HINFP: variants seen among roughly 807,000 people sequenced by gnomAD.
HINFP encodes the protein MBD2 (methyl-CpG-binding protein)-interacting zinc finger protein.
Under a neutral mutation model 50.1 loss-of-function variants are expected in HINFP, and 20 were observed. The observed-to-expected ratio is 0.40, with a 90% CI of 0.28 to 0.58. HINFP has a LOEUF of 0.58. Among genes scored for constraint, HINFP ranks in the 20% least tolerant of loss-of-function variants. The probability of loss-of-function intolerance (pLI) is 0.45; values close to 1 mark genes in which losing one functional copy is unlikely to be tolerated. For missense variants in HINFP, 505 were observed against 664.1 expected (o/e 0.76, Z 2.63); for synonymous variants, 247 against 243.7 (o/e 1.01, Z -0.13).
chr11:119,134,551 A>G lies in HINFP; in HGVS notation c.*53A>G, dbSNP rs540126448. 2.7e-5 allele frequency: 38 copies of G among 1,429,030 alleles called. 1 individual carries two copies. The Admixed American group carries it at 8.4e-4, about 32-fold the overall frequency. The allele number at this position is 1,429,030 out of a possible 1,614,324, so 88.5% of individuals were successfully genotyped here. On this transcript the variant is annotated 3_prime_UTR_variant, in exon 10 of 10. Transcript: ENST00000350777. This position sits in a 1 kb window ranked among gnomAD's most constrained non-coding sequence, Gnocchi z 4.3. ...CCAGGTCCTGAAGTTTGAGCCAGGC[A>G]AGTGGCAGTGCCCCTAGTGGGCAGC...
chr11:119,132,595 G>A (rs761081653), intron 6 of HINFP, 22 bp downstream of exon 6: 1 of 1,614,086 alleles, frequency 6.2e-7, no homozygotes, highest in Admixed American at 1.7e-5. Flanking sequence ...GCGGCCCACA[G>A]CCTCCCTCCT....
Position 119,131,583 on chromosome 11 carries a change from A to C in HINFP, c.460A>C (p.Ser154Arg). The change falls in exon 4 of 10, where the codon AGT becomes CGT. Residue 154 changes from serine (S) to arginine (R), a missense_variant. By Grantham distance (110) the Ser-to-Arg change is moderately radical (BLOSUM62 -1). Coordinates refer to ENST00000350777, the MANE Select transcript of HINFP (RefSeq NM_198971.3). This position sits in a 1 kb window ranked among gnomAD's most constrained non-coding sequence, Gnocchi z 4.2. ...GTTTTATCGGCATGTGGAAGCACAC[A>C]GTCTGTGCTGTGAATACGAAGCAGT... is the stretch of plus-strand genomic sequence containing the variant. ...EWFYRHVEAHSLCCEYEAVGK... is the reference protein window; with the variant it reads ...EWFYRHVEAHRLCCEYEAVGK... 4.3e-6 allele frequency: 7 copies of C among 1,614,190 alleles called. No homozygotes were observed. Among genetic ancestry groups the C allele is most frequent in the Non-Finnish European group, 5.9e-6 (7 of 1,180,042 alleles).
chr11:119,132,543 C>T lies in HINFP; in HGVS notation c.724C>T (p.Arg242Trp), dbSNP rs113330716. Reference sequence around the variant, plus strand: ...CTGTTCCAAGAGATTTGCCACAGAGCGGCTATTGCGGGACCACATGCGCAA... The same window carrying T: ...CTGTTCCAAGAGATTTGCCACAGAGTGGCTATTGCGGGACCACATGCGCAA... ...SHCSKRFATE[R>W]LLRDHMRNHV... Residue 242 changes from arginine (R) to tryptophan (W), a missense_variant, in exon 6 of 10, where the codon CGG becomes TGG. Arg to Trp is a moderately radical substitution (Grantham distance 101). Transcript: ENST00000350777. 4.3e-6 allele frequency: 7 copies of T among 1,613,992 alleles called. No individual in the cohort carries two copies. The highest frequency in any genetic ancestry group is 2.2e-5 in the East Asian group (1 of 44,882).
chr11:119,132,734 T>C lies in HINFP; in HGVS notation c.828T>C (p.Phe276=), dbSNP rs752671821. Residue 276 remains phenylalanine, a synonymous_variant, in exon 7 of 10, where the codon TTT becomes TTC. Coordinates refer to ENST00000350777, the MANE Select transcript of HINFP (RefSeq NM_198971.3). ...CCTCCCTCCGCAACCACATGCGCTTTCGTCACAGTGAGGACCGGCCCTTTA... is the reference window on the plus strand; with the variant it reads ...CCTCCCTCCGCAACCACATGCGCTTCCGTCACAGTGAGGACCGGCCCTTTA... ...LPSSLRNHMR[F]RHSEDRPFKC... The C allele has an allele frequency of 5.6e-6, 9 of 1,613,922 alleles. No individual in the cohort carries two copies. The South Asian group carries it at 8.8e-5, about 16-fold the overall frequency.
Position 119,131,621 on chromosome 11 carries a change from CCCGGTGGTG to C in HINFP, c.500_508del (p.Pro167_Val169del). ...AATACGAAGCAGTCGGCAAGGACAA[CCCGGTGGTG>C]CTGTGTGGCTGGAAAGGTAGGGCTG... is the stretch of plus-strand genomic sequence containing the variant. On this transcript the variant is annotated inframe_deletion, in exon 4 of 10. Transcript: ENST00000350777. The surrounding 1 kb of genome is among the most constrained non-coding windows in gnomAD (Gnocchi z 4.2). 1 of 1,614,052 alleles carries C rather than the reference CCCGGTGGTG, an allele frequency of 6.2e-7. No individual in the cohort carries two copies. The highest frequency in any genetic ancestry group is 8.5e-7 in the Non-Finnish European group (1 of 1,179,924).
At chr11:119,121,919 G>C (rs1947082512) in intron 1 of HINFP, 1 of 152,338 alleles carries the variant, frequency 6.6e-6, no homozygotes, top group African/African-American at 2.4e-5. Flanking sequence ...AATTCTACCT[G>C]TCCTTCGAGG....
At chr11:119,126,888 A>T in intron 1 of HINFP, 47 bp from the exon 2 acceptor site, 1 of 1,547,360 alleles carries the variant, frequency 6.5e-7, no homozygotes, top group East Asian at 2.3e-5. Context: ...CCTCAGCAGC[A>T]CCTGGGTGGA....
chr11:119,133,939 T>G (rs1261041489), intron 9 of HINFP, 145 bp from the exon 10 acceptor site: 1 of 1,059,174 alleles, frequency 9.4e-7, no homozygotes, highest in East Asian at 2.4e-5. Context: ...CATATTCCAA[T>G]AAAGACCTTT....
intron 1 of HINFP, chr11:119,121,925 C>T (rs1477478761): frequency 6.6e-6 from 1 of 152,350 alleles, no homozygotes; most frequent in Non-Finnish European, 1.5e-5. Flanking sequence ...ACCTGTCCTT[C>T]GAGGCGTGGT....
chr11:119,127,055 T>C lies in HINFP; in HGVS notation c.111T>C (p.Thr37=), dbSNP rs1359105663. The change falls in exon 2 of 10, where the codon ACT becomes ACC. Residue 37 remains threonine, a synonymous_variant. Coordinates refer to ENST00000350777, the MANE Select transcript of HINFP (RefSeq NM_198971.3). ...STMEKFFEHV[T]QHLQQHLHGS... ...TGGAAAAGTTCTTTGAGCATGTCAC[T>C]CAGCACCTGCAGCAGCACCTGCATG... 4 of 1,614,068 alleles carry C rather than the reference T, an allele frequency of 2.5e-6. No individual in the cohort carries two copies. The highest frequency in any genetic ancestry group is 3.4e-6 in the Non-Finnish European group (4 of 1,180,004).
In HINFP at chr11:119,134,234, A is replaced by G. The variant is rs756248267; in HGVS notation, c.1290A>G (p.Glu430=). ...NESSLQGIIL[E]TVPGEPGRKE... is the part of the protein sequence containing the mutation. The stretch of plus-strand genomic sequence containing the variant: ...GCAGCCTGCAGGGCATTATTCTAGA[A>G]ACAGTGCCAGGGGAGCCAGGACGTA... Residue 430 remains glutamate, a synonymous_variant, in exon 10 of 10, where the codon GAA becomes GAG. Coordinates refer to ENST00000350777, the MANE Select transcript of HINFP (RefSeq NM_198971.3). This position sits in a 1 kb window ranked among gnomAD's most constrained non-coding sequence, Gnocchi z 4.3. 3.1e-6 allele frequency: 5 copies of G among 1,614,214 alleles called. No individual in the cohort carries two copies. Among genetic ancestry groups the G allele is most frequent in the Non-Finnish European group, 4.2e-6 (5 of 1,180,020 alleles).
intron 5 of HINFP, 51 bp from the exon 6 acceptor site, chr11:119,132,445 C>A (rs767978551): frequency 2.6e-5 from 42 of 1,586,678 alleles, no homozygotes; most frequent in Non-Finnish European, 3.5e-5. Context: ...CCTTTCTGTG[C>A]CTCTCCACTA....
At chr11:119,129,413 C>T (rs1307333867) in intron 2 of HINFP, among the ~76,000 whole-genome samples, 2 of 151,900 alleles carry the variant, frequency 1.3e-5, no homozygotes, top group Non-Finnish European at 2.9e-5. Flanking sequence ...CTCAAGTGAT[C>T]CTCCTGCCTC....
rs1947438107 is a variant in HINFP, at chr11:119,126,937, T to C, written c.-8T>C. 6.2e-7 allele frequency: 1 copy of C among 1,609,472 alleles called. No individual in the cohort carries two copies. The highest frequency in any genetic ancestry group is 8.5e-7 in the Non-Finnish European group (1 of 1,177,730). On this transcript the variant is annotated splice_region_variant and 5_prime_UTR_variant, in exon 2 of 10. Transcript: ENST00000350777. ...TGGATTTCTTCCTCTTCCTCTAGGGTGAAGGCCATGCCGCCTCCTGGGAAA... is the reference window on the plus strand; with the variant it reads ...TGGATTTCTTCCTCTTCCTCTAGGGCGAAGGCCATGCCGCCTCCTGGGAAA...
chr11:119,127,703 A>G (rs1413139418), intron 2 of HINFP, among the ~76,000 whole-genome samples: 1 of 151,586 alleles, frequency 6.6e-6, no homozygotes, highest in African/African-American at 2.4e-5. Context: ...ACCACACGCC[A>G]ATTTTTAAAA....
rs757746917 is a variant in HINFP, at chr11:119,131,790, G to T, written c.524-40G>T. Reference sequence around the variant, plus strand: ...GGGGTACCAGATCCTAGGCAAAACTGGGGTTTTGTGGCAGGAGACTGATAG... The same window carrying T: ...GGGGTACCAGATCCTAGGCAAAACTTGGGTTTTGTGGCAGGAGACTGATAG... On this transcript the variant is annotated intron_variant, in intron 4 of 9. Coordinates refer to ENST00000350777, the MANE Select transcript of HINFP (RefSeq NM_198971.3). The surrounding 1 kb of genome is among the most constrained non-coding windows in gnomAD (Gnocchi z 4.2). 1 of 1,612,156 alleles carries T rather than the reference G, an allele frequency of 6.2e-7. No homozygotes were observed. Among genetic ancestry groups the T allele is most frequent in the South Asian group, 1.1e-5 (1 of 90,990 alleles).
rs768651074 is a variant in HINFP at position 119,131,942 on chromosome 11, C to G, written c.636C>G (p.Thr212=). Reference sequence around the variant, plus strand: ...GTGGGGGCATGTTTGCCAACAATACCAAGTTCTTAGATCACATCCGTCGCC... The same window carrying G: ...GTGGGGGCATGTTTGCCAACAATACGAAGTTCTTAGATCACATCCGTCGCC... ...PTCGGMFANN[T]KFLDHIRRQT... The change falls in exon 5 of 10, where the codon ACC becomes ACG. Residue 212 remains threonine, a synonymous_variant. Transcript: ENST00000350777. This position sits in a 1 kb window ranked among gnomAD's most constrained non-coding sequence, Gnocchi z 4.2. The G allele has an allele frequency of 4.4e-5, 71 of 1,614,052 alleles. No individual in the cohort carries two copies. The South Asian group carries it at 7.0e-4, about 16-fold the overall frequency.
intron 2 of HINFP, among the ~76,000 whole-genome samples, chr11:119,128,145 C>T (rs142521491): frequency 2.6e-5 from 4 of 152,234 alleles, no homozygotes; most frequent in African/African-American, 9.6e-5. Flanking sequence ...AGCCACCGCA[C>T]CTGGCCCCAT....
In HINFP at chr11:119,131,478, T is replaced by C; in HGVS notation, c.412-57T>C. The C allele has an allele frequency of 1.7e-6, 2 of 1,168,054 alleles. No homozygotes were observed. The highest frequency in any genetic ancestry group is 2.6e-6 in the Non-Finnish European group (2 of 772,636). 72.4% of individuals were successfully genotyped at this position (1,168,054 alleles called of 1,614,324 possible). A position where few individuals can be genotyped will look rare whatever the true frequency, so the allele number is the denominator to read the frequency against. On this transcript the variant is annotated intron_variant, in intron 3 of 9. Transcript: ENST00000350777. The surrounding 1 kb of genome is among the most constrained non-coding windows in gnomAD (Gnocchi z 4.2). ...GAGAGCCAAGAATTCTTCGGGCACA[T>C]AGGGGTGAGTCCCTCTACCCACCCT...
Sources: allele counts gnomAD v4.1 joint callset (sites outside exome capture counted in the v4.1 genomes callset), GRCh38; gene constraint gnomAD v4.1.1; non-coding constraint Gnocchi (gnomAD v3.1); transcripts MANE v1.5; gene names NCBI Gene and HGNC (gene_info 2026-07-23, HGNC 2026-07-21).